The following GLIS3 variants were observed in gnomAD, a reference collection of about 807,000 sequenced individuals.
GLIS3 encodes GLIS family zinc finger 3.
In GLIS3, 53 loss-of-function variants were observed where a neutral mutation model predicts 78.6. The ratio of observed to expected loss-of-function variants is 0.67; its 90% CI spans 0.54 to 0.85. The LOEUF (loss-of-function observed/expected upper bound fraction) is 0.85, where lower values mean the gene tolerates loss of function less well. Among genes scored for constraint, GLIS3 ranks in the 40% least tolerant of loss-of-function variants. GLIS3 has a pLI of 0.00. For synonymous variants in GLIS3, 684 were observed against 509.9 expected (o/e 1.34, Z -4.60); for missense variants, 1,703 against 1,231.1 (o/e 1.38, Z -5.74).
At chr9:4,430,386 T>C in the GLIS3 span, among the ~76,000 whole-genome samples, 1 of 152,230 alleles carries the variant, frequency 6.6e-6, no homozygotes, top group African/African-American at 2.4e-5. Context: ...AGGAATGTGA[T>C]ACCATTTTGC....
chr9:4,364,710 TTATATATATA>T, the GLIS3 span, among the ~76,000 whole-genome samples: 1 of 134,356 alleles, frequency 7.4e-6, no homozygotes, highest in Non-Finnish European at 1.5e-5. Flanking sequence ...TTATTACACT[TTATATATATA>T]TATATATTAT....
intron 6 of GLIS3, among the ~76,000 whole-genome samples, chr9:3,908,505 C>G (rs973811462): frequency 6.6e-6 from 1 of 152,100 alleles, no homozygotes; most frequent in Non-Finnish European, 1.5e-5. Flanking sequence ...TGCAAGTAAA[C>G]AAGTTGGCTC....
upstream of GLIS3, among the ~76,000 whole-genome samples, chr9:4,303,150 C>G (rs934495883): frequency 6.6e-6 from 1 of 151,912 alleles, no homozygotes; most frequent in East Asian, 1.9e-4. Flanking sequence ...TTGCAAAGAA[C>G]TATGATCAGA....
At chr9:4,411,922 G>C in the GLIS3 span, among the ~76,000 whole-genome samples, 326 of 152,270 alleles carry the variant, frequency 2.1e-3, 1 homozygote, top group African/African-American at 7.3e-3. Flanking sequence ...CTCATGTATG[G>C]TCCTAACTAG....
At chr9:3,976,427 C>A (rs1355889375) in intron 4 of GLIS3, among the ~76,000 whole-genome samples, 1 of 152,004 alleles carries the variant, frequency 6.6e-6, no homozygotes, top group African/African-American at 2.4e-5. Context: ...GGAAAAATAA[C>A]TGGAATGACA....
At chr9:3,876,915 C>A (rs1158049679) in intron 8 of GLIS3, among the ~76,000 whole-genome samples, 1 of 151,746 alleles carries the variant, frequency 6.6e-6, no homozygotes, top group East Asian at 1.9e-4. Context: ...CAGTTAGCAA[C>A]CGTCAGAACT....
rs377664150 is a variant in GLIS3 at position 3,845,557 on chromosome 9, T to A, written c.2473+10452A>T. Among the ~76,000 whole-genome samples the A allele has an allele frequency of 7.9e-5, 12 of 152,346 alleles. No individual in the cohort carries two copies. In the East Asian group the frequency reaches 1.2e-3, roughly 15 times the overall value. The stretch of plus-strand genomic sequence containing the variant: ...CTGAACAAGGAAAATTTTTCTTTTA[T>A]AATATAAAAAGTCAGTAAGAATTTG... On this transcript the variant is annotated intron_variant, in intron 9 of 10. Transcript: ENST00000381971.
the GLIS3 span, among the ~76,000 whole-genome samples, chr9:4,474,913 G>C: frequency 3.3e-5 from 5 of 151,014 alleles, no homozygotes; most frequent in Non-Finnish European, 4.4e-5. Flanking sequence ...TGTCGCCCAG[G>C]CTTGCAAATA....
intron 4 of GLIS3, among the ~76,000 whole-genome samples, chr9:3,971,769 G>A (rs993580055): frequency 6.6e-6 from 1 of 152,110 alleles, no homozygotes; most frequent in Non-Finnish European, 1.5e-5. Context: ...ACTGATGATT[G>A]GCTCCAGCAA....
intron 4 of GLIS3, among the ~76,000 whole-genome samples, chr9:4,112,720 G>C (rs1214426032): frequency 6.6e-6 from 1 of 152,156 alleles, no homozygotes; most frequent in Non-Finnish European, 1.5e-5. Flanking sequence ...AAAGAAATTG[G>C]AGTGTGATAG....
chr9:3,968,193 T>C (rs995886543), intron 4 of GLIS3, among the ~76,000 whole-genome samples: 7 of 152,194 alleles, frequency 4.6e-5, no homozygotes, highest in African/African-American at 9.7e-5. Context: ...GGCAGCATGA[T>C]TTTATCATGT....
chr9:4,126,529 G>C (rs1832597153), intron 2 of GLIS3, among the ~76,000 whole-genome samples: 5 of 152,026 alleles, frequency 3.3e-5, no homozygotes. Context: ...ATGCTCATTT[G>C]AAAAACAGCA....
At chr9:4,114,255 A>G (rs1831450996) in intron 4 of GLIS3, among the ~76,000 whole-genome samples, 1 of 152,150 alleles carries the variant, frequency 6.6e-6, no homozygotes, top group African/African-American at 2.4e-5. Context: ...ACCATTGCAC[A>G]GTCTTCAACT....
chr9:3,925,341 T>C (rs1198875664), intron 6 of GLIS3, among the ~76,000 whole-genome samples: 1 of 151,958 alleles, frequency 6.6e-6, no homozygotes, highest in Non-Finnish European at 1.5e-5. Context: ...TTCAGGAGAG[T>C]GGGGCCAGGT....
chr9:4,248,000 G>T (rs1013863464), intron 2 of GLIS3, among the ~76,000 whole-genome samples: 3 of 152,122 alleles, frequency 2.0e-5, no homozygotes, highest in African/African-American at 7.2e-5. Context: ...TTGTGTAGCT[G>T]AAACTCTGTA....
intron 4 of GLIS3, among the ~76,000 whole-genome samples, chr9:4,110,490 G>T (rs1831120576): frequency 6.6e-6 from 1 of 152,104 alleles, no homozygotes; most frequent in Non-Finnish European, 1.5e-5. Context: ...TGTGGCCCAA[G>T]AAAAGGAAAA....
chr9:3,897,281 T>C (rs1160978499), intron 7 of GLIS3, among the ~76,000 whole-genome samples: 1 of 152,182 alleles, frequency 6.6e-6, no homozygotes, highest in African/African-American at 2.4e-5. Flanking sequence ...TTCCAGGTCT[T>C]AGTAAGATCA....
At chr9:4,216,017 T>C (rs918434653) in intron 2 of GLIS3, among the ~76,000 whole-genome samples, 6 of 152,192 alleles carry the variant, frequency 3.9e-5, no homozygotes, top group African/African-American at 1.4e-4. Context: ...GATGGTCCAG[T>C]TGCGGCCTTC....
chr9:4,126,064 TAG>T, intron 2 of GLIS3, 123 bp from the exon 3 acceptor site: 1 of 747,512 alleles, frequency 1.3e-6, no homozygotes, highest in Non-Finnish European at 2.3e-6. Flanking sequence ...TTTTTTTTTT[TAG>T]TATTGGTGAT....
Sources: allele counts gnomAD v4.1 joint callset (sites outside exome capture counted in the v4.1 genomes callset), GRCh38; gene constraint gnomAD v4.1.1; transcripts MANE v1.5; gene names NCBI Gene and HGNC (gene_info 2026-07-23, HGNC 2026-07-21).